Variants in PTPRZ1 observed in about 807,000 individuals in gnomAD.
PTPRZ1 encodes the protein protein tyrosine phosphatase receptor type Z1.
In PTPRZ1, 82 loss-of-function variants were observed where a neutral mutation model predicts 214.1. The ratio of observed to expected loss-of-function variants is 0.38; its 90% CI spans 0.32 to 0.46. PTPRZ1 has a LOEUF of 0.46. Ranked by LOEUF, PTPRZ1 falls within the 20% of genes least tolerant of loss-of-function variation. The probability of loss-of-function intolerance (pLI) is 1.00; values close to 1 mark genes in which losing one functional copy is unlikely to be tolerated. For missense variants in PTPRZ1, 2,603 were observed against 2,748.7 expected (o/e 0.95, Z 1.19); for synonymous variants, 945 against 987.9 (o/e 0.96, Z 0.81).
chr7:121,875,733 C>A (rs558928889), intron 1 of PTPRZ1, among the ~76,000 whole-genome samples: 2 of 152,274 alleles, frequency 1.3e-5, no homozygotes, highest in Admixed American at 1.3e-4. Context: ...GAGGCATTGG[C>A]AACATCAAGT....
chr7:122,058,062 C>T (rs1177337033), intron 27 of PTPRZ1, among the ~76,000 whole-genome samples: 1 of 151,574 alleles, frequency 6.6e-6, no homozygotes, highest in African/African-American at 2.4e-5. Context: ...CCCTCAGCCA[C>T]AATGGCAGTG....
chr7:121,999,562 A>T (rs1028659178), intron 10 of PTPRZ1, among the ~76,000 whole-genome samples: 4 of 152,198 alleles, frequency 2.6e-5, no homozygotes, highest in Non-Finnish European at 4.4e-5. Context: ...GAACACATTC[A>T]CTTAATTTTG....
intron 23 of PTPRZ1, among the ~76,000 whole-genome samples, chr7:122,047,662 T>TC (rs61030124): frequency 0.6 from 86,731 of 145,154 alleles, 27,401 homozygotes; most frequent in African/African-American, 0.81. Context: ...TTTTTTTTTT[T>TC]CTCTGAGACA....
chr7:121,959,431 C>A (rs117198293), intron 2 of PTPRZ1, among the ~76,000 whole-genome samples: 2,468 of 152,280 alleles, frequency 0.016, 34 homozygotes, highest in South Asian at 0.024. Flanking sequence ...GCTGCAGAAA[C>A]CTCTGGCCAA....
chr7:122,019,190 C>A lies in PTPRZ1; in HGVS notation c.4910C>A (p.Ala1637Glu), dbSNP rs1382985861. Residue 1637 changes from alanine to glutamate, a missense_variant, in exon 13 of 30, where the codon GCA becomes GAA. This residue lies in a region of PTPRZ1 where 1,913 missense variants were observed against 1,914.3 expected (regional missense o/e 1.00). Transcript: ENST00000393386. ...GAGGGGTTGGAATCCGAGAAGAAGG[C>A]AGTTATACCCCTTGTGATCGTGTCA... ...LAEGLESEKK[A>E]VIPLVIVSAL... is the part of the protein sequence containing the mutation. 6.2e-7 allele frequency: 1 copy of A among 1,610,784 alleles called. No homozygotes were observed. The highest frequency in any genetic ancestry group is 2.2e-5 in the East Asian group (1 of 44,856).
chr7:121,942,663 A>G (rs745359726), intron 2 of PTPRZ1, among the ~76,000 whole-genome samples: 8 of 152,208 alleles, frequency 5.3e-5, no homozygotes, highest in African/African-American at 9.6e-5. Flanking sequence ...TAAAAAGTAA[A>G]TTTAGTAGAA....
intron 13 of PTPRZ1, among the ~76,000 whole-genome samples, chr7:122,025,574 G>T (rs1799186488): frequency 6.6e-6 from 1 of 152,020 alleles, no homozygotes; most frequent in South Asian, 2.1e-4. Context: ...CTGGTGATCT[G>T]CCTGCCTAGG....
rs1001478262 is a variant in PTPRZ1 at position 122,038,830 on chromosome 7, A to G, written c.5443A>G (p.Ile1815Val). The change falls in exon 19 of 30, where the codon ATA becomes GTA. Residue 1815 changes from isoleucine (I) to valine (V), a missense_variant. Transcript: ENST00000393386. ...CACAGCTGAAGATTTCTGGAGAATGATATGGGAACATAATGTGGAAGTTAT... is the reference window on the plus strand; with the variant it reads ...CACAGCTGAAGATTTCTGGAGAATGGTATGGGAACATAATGTGGAAGTTAT... Reference protein sequence around the residue: ...KSTAEDFWRMIWEHNVEVIVM... With the variant: ...KSTAEDFWRMVWEHNVEVIVM... 1.2e-6 allele frequency: 2 copies of G among 1,613,824 alleles called. No homozygotes were observed. Among genetic ancestry groups the G allele is most frequent in the Non-Finnish European group, 1.7e-6 (2 of 1,179,766 alleles).
chr7:121,874,083 G>A (rs1276103896), intron 1 of PTPRZ1, among the ~76,000 whole-genome samples: 1 of 146,656 alleles, frequency 6.8e-6, no homozygotes, highest in African/African-American at 2.7e-5. Flanking sequence ...GTAGTAACAG[G>A]CACAAGCACC....
At chr7:121,899,479 A>G (rs1430889907) in intron 1 of PTPRZ1, among the ~76,000 whole-genome samples, 1 of 152,188 alleles carries the variant, frequency 6.6e-6, no homozygotes, top group South Asian at 2.1e-4. Context: ...GTTTTGTTCT[A>G]TATATCTTTG....
rs1797100328 is a variant in PTPRZ1 at position 121,968,146 on chromosome 7, T to C, written c.304+16T>C. On this transcript the variant is annotated intron_variant, in intron 3 of 29. Coordinates refer to ENST00000393386, the MANE Select transcript of PTPRZ1 (RefSeq NM_002851.3). ...GGGAAAACAGGTAAAATATTTGCAT[T>C]CTGTTTGCCTTTAATATATTTTTCA... 6.3e-7 allele frequency: 1 copy of C among 1,575,732 alleles called. No individual in the cohort carries two copies. The highest frequency in any genetic ancestry group is 8.6e-7 in the Non-Finnish European group (1 of 1,161,986).
At chr7:121,907,612 G>T (rs1455550401) in intron 1 of PTPRZ1, among the ~76,000 whole-genome samples, 1 of 151,800 alleles carries the variant, frequency 6.6e-6, no homozygotes, top group Non-Finnish European at 1.5e-5. Flanking sequence ...TTTTTTCAAG[G>T]TTTAGAGTAT....
rs1797049406 is a variant in PTPRZ1 at position 121,966,438 on chromosome 7, G to C, written c.125-1513G>C. Among the ~76,000 whole-genome samples, 4 of 152,270 alleles carry C rather than the reference G, an allele frequency of 2.6e-5. No individual in the cohort carries two copies. In the South Asian group the frequency reaches 8.3e-4, roughly 32 times the overall value. On this transcript the variant is annotated intron_variant, in intron 2 of 29. Coordinates refer to ENST00000393386, the MANE Select transcript of PTPRZ1 (RefSeq NM_002851.3). ...CTTTCATTCTCTTGCACTGACATTA[G>C]TAAAATAAGCAGTGTTTTCTTGTCC...
At chr7:122,006,206 G>C (rs995737529) in intron 11 of PTPRZ1, among the ~76,000 whole-genome samples, 3 of 151,968 alleles carry the variant, frequency 2.0e-5, no homozygotes, top group Admixed American at 2.0e-4. Context: ...AGAGTAGTTT[G>C]CATATCCATT....
intron 1 of PTPRZ1, among the ~76,000 whole-genome samples, chr7:121,924,184 A>G (rs1231355572): frequency 6.6e-6 from 1 of 152,162 alleles, no homozygotes; most frequent in Admixed American, 6.5e-5. Context: ...TAAAAACTAC[A>G]AAGAAACTGA....
chr7:121,998,042 A>G, intron 10 of PTPRZ1, 36 bp downstream of exon 10: 1 of 1,589,382 alleles, frequency 6.3e-7, no homozygotes, highest in Non-Finnish European at 8.6e-7. Flanking sequence ...TATTAACTCA[A>G]TAAATGAGGT....
chr7:121,999,885 A>G (rs1274687008), intron 10 of PTPRZ1, among the ~76,000 whole-genome samples: 1 of 152,124 alleles, frequency 6.6e-6, no homozygotes, highest in African/African-American at 2.4e-5. Context: ...GTACTAAATA[A>G]TAAATATTAT....
chr7:121,899,436 T>C (rs1794895588), intron 1 of PTPRZ1, among the ~76,000 whole-genome samples: 1 of 152,252 alleles, frequency 6.6e-6, no homozygotes, highest in East Asian at 1.9e-4. Flanking sequence ...TTCTGCTAAC[T>C]ATAAAAGTTC....
In PTPRZ1 at chr7:122,012,392, A is replaced by G. The variant is rs754887840; in HGVS notation, c.3346A>G (p.Ser1116Gly). 1.2e-6 allele frequency: 2 copies of G among 1,613,980 alleles called. No homozygotes were observed. The highest frequency in any genetic ancestry group is 2.2e-5 in the South Asian group (2 of 91,080). Residue 1116 changes from serine (S) to glycine (G), a missense_variant, in exon 12 of 30, where the codon AGT (serine) becomes GGT (glycine). Physicochemically the swap from Ser to Gly is moderately conservative, Grantham distance 56. Coordinates refer to ENST00000393386, the MANE Select transcript of PTPRZ1 (RefSeq NM_002851.3). ...CACTAAGGTTTTTGATCATGAGATTAGTCAAGTTCCAGAAAATAACTTTTC... is the reference window on the plus strand; with the variant it reads ...CACTAAGGTTTTTGATCATGAGATTGGTCAAGTTCCAGAAAATAACTTTTC... ...TTTKVFDHEI[S>G]QVPENNFSVQ...
Sources: allele counts gnomAD v4.1 joint callset (sites outside exome capture counted in the v4.1 genomes callset), GRCh38; gene constraint gnomAD v4.1.1; regional missense constraint gnomAD v4.1.1; transcripts MANE v1.5; gene names NCBI Gene and HGNC (gene_info 2026-07-23, HGNC 2026-07-21).